Variants in ERG observed in about 807,000 individuals in gnomAD.
ERG encodes the protein transcriptional regulator ERG.
In ERG, 9 loss-of-function variants were observed where a neutral mutation model predicts 55.3. That is an observed-to-expected ratio of 0.16 (90% CI 0.10 to 0.28). The LOEUF (loss-of-function observed/expected upper bound fraction) is 0.28, where lower values mean the gene tolerates loss of function less well. Ranked by LOEUF, ERG falls within the 10% of genes least tolerant of loss-of-function variation. ERG has a pLI of 1.00. For missense variants in ERG, 434 were observed against 631.6 expected (o/e 0.69, Z 3.35); for synonymous variants, 223 against 237.3 (o/e 0.94, Z 0.55).
chr21:38,576,692 A>G (rs1224979677), intron 1 of ERG, among the ~76,000 whole-genome samples: 1 of 152,128 alleles, frequency 6.6e-6, no homozygotes. Flanking sequence ...AGATGGGCTC[A>G]GCAGGGTGCC....
chr21:38,499,839 G>A (rs111953733), upstream of ERG, among the ~76,000 whole-genome samples: 4,851 of 139,568 alleles, frequency 0.035, 167 homozygotes, highest in East Asian at 0.1. Context: ...AGGATGGGAG[G>A]AAGGAGGGAG....
At chr21:38,587,504 G>A (rs1426391080), upstream of ERG, among the ~76,000 whole-genome samples, 2 of 152,066 alleles carry the variant, frequency 1.3e-5, no homozygotes, top group South Asian at 2.1e-4. Flanking sequence ...GATTACAGGC[G>A]CCCGCCACCA....
chr21:38,550,316 T>C (rs555160743), intron 2 of ERG, among the ~76,000 whole-genome samples: 202 of 152,106 alleles, frequency 1.3e-3, no homozygotes, highest in African/African-American at 4.7e-3. Flanking sequence ...GAGTAATAGA[T>C]GGAGGCCCAT....
chr21:38,449,114 G>A (rs976658748), intron 1 of ERG: 2 of 152,196 alleles, frequency 1.3e-5, no homozygotes, highest in African/African-American at 4.8e-5. Context: ...ACAAGGCTTG[G>A]GATCTGCTTC....
the ERG span, among the ~76,000 whole-genome samples, chr21:38,370,982 G>A: frequency 6.6e-6 from 1 of 150,902 alleles, no homozygotes; most frequent in African/African-American, 2.4e-5. Context: ...GAATTGCAGT[G>A]GGTTTCTAGA....
rs577411388 is a variant in ERG at position 38,493,231 on chromosome 21, G to A, written c.18+5132C>T. 1.1e-4 allele frequency among the ~76,000 whole-genome samples: 16 copies of A among 152,272 alleles called. No homozygotes were observed. In the East Asian group the frequency reaches 2.9e-3, roughly 28 times the overall value. On this transcript the variant is annotated intron_variant, in intron 1 of 9. Coordinates refer to ENST00000288319, the MANE Select transcript of ERG (RefSeq NM_182918.4). ...CAATATAATGAGTGAAACATCGCAA[G>A]CAGCATCACTTTATACACTAGGATA...
intron 2 of ERG, among the ~76,000 whole-genome samples, chr21:38,517,337 C>T (rs1330860777): frequency 6.6e-6 from 1 of 151,818 alleles, no homozygotes; most frequent in South Asian, 2.1e-4. Flanking sequence ...ACAGGAATGG[C>T]CATCAAGCAT....
chr21:38,624,062 T>C (rs1354797422), intron 1 of ERG, among the ~76,000 whole-genome samples: 2 of 152,174 alleles, frequency 1.3e-5, no homozygotes, highest in South Asian at 4.1e-4. Context: ...TCCTTCAGGC[T>C]ATATGTGAAG....
intron 2 of ERG, among the ~76,000 whole-genome samples, chr21:38,525,094 C>T (rs2836467): frequency 0.035 from 5,259 of 152,188 alleles, 194 homozygotes; most frequent in Middle Eastern, 0.12. Context: ...TCATTTGTGA[C>T]TACAGAAAGA....
At chr21:38,495,298 C>T (rs1248822504) in intron 1 of ERG, among the ~76,000 whole-genome samples, 3 of 152,166 alleles carry the variant, frequency 2.0e-5, no homozygotes, top group Non-Finnish European at 1.5e-5. Context: ...AAATTGAGTC[C>T]TATCAGGTCG....
At chr21:38,573,434 A>G (rs942049120) in intron 2 of ERG, among the ~76,000 whole-genome samples, 6 of 152,208 alleles carry the variant, frequency 3.9e-5, no homozygotes, top group Non-Finnish European at 7.3e-5. Context: ...ACATTTGTTC[A>G]ATTCTGAGAT....
intron 1 of ERG, among the ~76,000 whole-genome samples, chr21:38,584,442 TGTA>T (rs1443874742): frequency 1.3e-5 from 2 of 152,130 alleles, no homozygotes; most frequent in Non-Finnish European, 2.9e-5. Context: ...GTAAGCCAAA[TGTA>T]GTAGTATGAT....
chr21:38,387,460 A>T (rs1206400447), intron 9 of ERG, among the ~76,000 whole-genome samples: 1 of 152,226 alleles, frequency 6.6e-6, no homozygotes, highest in Non-Finnish European at 1.5e-5. Flanking sequence ...CCACTGCTTC[A>T]GCTGAATCCT....
chr21:38,520,307 C>A (rs1239104315), intron 2 of ERG, among the ~76,000 whole-genome samples: 2 of 152,128 alleles, frequency 1.3e-5, no homozygotes, highest in East Asian at 1.9e-4. Flanking sequence ...TTAGAACCTG[C>A]ACAACAAATA....
chr21:38,462,388 C>A (rs1364830490), intron 1 of ERG, among the ~76,000 whole-genome samples: 4 of 152,050 alleles, frequency 2.6e-5, no homozygotes, highest in Non-Finnish European at 5.9e-5. Flanking sequence ...TTTTAAGAAT[C>A]CTCAACCAAT....
Position 38,429,472 on chromosome 21 carries a change from T to C in ERG, c.237-5911A>G, listed in dbSNP as rs553112711. Among the ~76,000 whole-genome samples, 12 of 143,124 alleles carry C rather than the reference T, an allele frequency of 8.4e-5. 5 individuals carry two copies. The highest frequency in any genetic ancestry group is 3.2e-4 in the African/African-American group (12 of 37,952). The allele number at this position is 143,124 out of a possible 152,430, so 93.9% of individuals were successfully genotyped here. A position where few individuals can be genotyped will look rare whatever the true frequency, so the allele number is the denominator to read the frequency against. On this transcript the variant is annotated intron_variant, in intron 2 of 9. Coordinates refer to ENST00000288319, the MANE Select transcript of ERG (RefSeq NM_182918.4). The stretch of plus-strand genomic sequence containing the variant: ...GTACACATGTACATATACACATATG[T>C]GTATATACATGTATGCACATGTACA...
At chr21:38,438,074 G>A (rs1601402000) in intron 2 of ERG, among the ~76,000 whole-genome samples, 1 of 152,116 alleles carries the variant, frequency 6.6e-6, no homozygotes, top group African/African-American at 2.4e-5. Flanking sequence ...TGTTGTCCTC[G>A]AACACCTCAA....
At chr21:38,400,252 C>A in intron 6 of ERG, 1 of 463,694 alleles carries the variant, frequency 2.2e-6, no homozygotes, top group Admixed American at 3.1e-5. Context: ...GCTCTTCCCC[C>A]GAGGAGGGAC....
intron 1 of ERG, among the ~76,000 whole-genome samples, chr21:38,597,547 C>T (rs559009912): frequency 1.2e-3 from 188 of 151,860 alleles, no homozygotes; most frequent in African/African-American, 4.1e-3. Context: ...CTACATCCAT[C>T]CTGTTGGATC....
Sources: allele counts gnomAD v4.1 joint callset (sites outside exome capture counted in the v4.1 genomes callset), GRCh38; gene constraint gnomAD v4.1.1; transcripts MANE v1.5; gene names NCBI Gene and HGNC (gene_info 2026-07-23, HGNC 2026-07-21).